FBLN7: variants seen among roughly 807,000 people sequenced by gnomAD.
The protein encoded by FBLN7 is fibulin 7.
A neutral mutation model predicts 44.0 loss-of-function variants in FBLN7; 31 were observed. That is an observed-to-expected ratio of 0.70 (90% confidence interval 0.53 to 0.95). The LOEUF (loss-of-function observed/expected upper bound fraction) is 0.95, where lower values mean the gene tolerates loss of function less well. FBLN7 is among the 40% of genes least tolerant of loss of function. The pLI, the probability that FBLN7 is intolerant of heterozygous loss-of-function variation, is 0.00. For synonymous variants in FBLN7, 262 were observed against 253.4 expected (o/e 1.03, Z -0.32); for missense variants, 573 against 618.5 (o/e 0.93, Z 0.78).
In FBLN7 at chr2:112,160,836, G is replaced by A. The variant is rs189997892; in HGVS notation, c.235+1001G>A. On this transcript the variant is annotated intron_variant, in intron 2 of 7. Coordinates refer to ENST00000331203, the MANE Select transcript of FBLN7 (RefSeq NM_153214.3). ...CACGCACACACAAGCACGCATACAC[G>A]CACGCACACGCGCACACACACACAC... 1.5e-3 allele frequency among the ~76,000 whole-genome samples: 185 copies of A among 121,858 alleles called. 1 individual carries two copies. Among genetic ancestry groups the A allele is most frequent in the African/African-American group, 4.8e-3 (140 of 29,130 alleles). 79.9% of individuals were successfully genotyped at this position (121,858 alleles called of 152,430 possible). A position where few individuals can be genotyped will look rare whatever the true frequency, so the allele number is the denominator to read the frequency against.
At chr2:112,180,544 A>C (rs1373548345) in intron 4 of FBLN7, among the ~76,000 whole-genome samples, 3 of 152,304 alleles carry the variant, frequency 2.0e-5, no homozygotes, top group Middle Eastern at 3.4e-3. Context: ...CATGCACTCG[A>C]ATATTTGTTG....
intron 3 of FBLN7, among the ~76,000 whole-genome samples, chr2:112,170,644 G>T (rs1682411215): frequency 6.6e-6 from 1 of 152,224 alleles, no homozygotes; most frequent in African/African-American, 2.4e-5. Context: ...GAACCTTGTT[G>T]CTGGAGATTA....
the FBLN7 span, among the ~76,000 whole-genome samples, chr2:112,193,409 C>T: frequency 6.6e-6 from 1 of 152,114 alleles, no homozygotes. Context: ...TGCTGCACTC[C>T]AGCCTAGGTG....
the FBLN7 span, among the ~76,000 whole-genome samples, chr2:112,228,577 C>T: frequency 1.5e-3 from 232 of 151,002 alleles, 1 homozygote; most frequent in African/African-American, 5.5e-3. Flanking sequence ...TCACACAATT[C>T]CTAAAAATTA....
chr2:112,239,935 G>T, the FBLN7 span, among the ~76,000 whole-genome samples: 1 of 152,082 alleles, frequency 6.6e-6, no homozygotes, highest in Non-Finnish European at 1.5e-5. Flanking sequence ...TTCCACCAGA[G>T]GATTGATTAT....
chr2:112,159,985 A>G (rs952992852), intron 2 of FBLN7, 150 bp downstream of exon 2: 1 of 497,436 alleles, frequency 2.0e-6, no homozygotes, highest in Middle Eastern at 5.9e-4. Flanking sequence ...TTTATTTATT[A>G]TTTATTTATT....
chr2:112,191,074 C>G (rs1683472202), downstream of FBLN7, among the ~76,000 whole-genome samples: 1 of 152,130 alleles, frequency 6.6e-6, no homozygotes, highest in South Asian at 2.1e-4. Context: ...AATTCCTGGG[C>G]TCAAGCGATC....
intron 3 of FBLN7, among the ~76,000 whole-genome samples, chr2:112,166,685 G>A (rs1442327296): frequency 6.6e-6 from 1 of 152,196 alleles, no homozygotes; most frequent in African/African-American, 2.4e-5. Context: ...CCCATGGCGG[G>A]GGAGATGGGT....
intron 1 of FBLN7, among the ~76,000 whole-genome samples, chr2:112,143,715 C>T (rs1292490217): frequency 6.6e-6 from 1 of 152,100 alleles, no homozygotes; most frequent in Non-Finnish European, 1.5e-5. Flanking sequence ...TTTATCGTTA[C>T]AATTTTGTCT....
the FBLN7 span, among the ~76,000 whole-genome samples, chr2:112,241,014 T>TGA: frequency 6.6e-6 from 1 of 151,092 alleles, no homozygotes; most frequent in Admixed American, 6.6e-5. Context: ...GTGTTTTGTG[T>TGA]GTGTGTGTGT....
the FBLN7 span, among the ~76,000 whole-genome samples, chr2:112,233,873 A>T: frequency 2.0e-5 from 3 of 152,152 alleles, no homozygotes; most frequent in Admixed American, 6.5e-5. Context: ...CATCTCAAAA[A>T]AAATAAATAA....
At chr2:112,142,969 T>C (rs1257153632) in intron 1 of FBLN7, among the ~76,000 whole-genome samples, 1 of 152,120 alleles carries the variant, frequency 6.6e-6, no homozygotes, top group Admixed American at 6.5e-5. Flanking sequence ...GGTGATTGTG[T>C]CTCTGTGATT....
At chr2:112,148,034 G>A (rs1035803850) in intron 1 of FBLN7, among the ~76,000 whole-genome samples, 8 of 151,984 alleles carry the variant, frequency 5.3e-5, no homozygotes, top group East Asian at 1.9e-4. Context: ...ACTTCCCAGC[G>A]AAAATCAAGA....
At chr2:112,166,337 C>T (rs563191475) in intron 3 of FBLN7, among the ~76,000 whole-genome samples, 1 of 152,270 alleles carries the variant, frequency 6.6e-6, no homozygotes, top group East Asian at 1.9e-4. Context: ...AGGTGTGATC[C>T]ACCACACCTG....
chr2:112,166,421 G>T (rs1032743240), intron 3 of FBLN7, among the ~76,000 whole-genome samples: 8 of 152,112 alleles, frequency 5.3e-5, no homozygotes, highest in Non-Finnish European at 8.8e-5. Flanking sequence ...CATCCCTAAA[G>T]ATGAGTATGG....
the FBLN7 span, chr2:112,238,311 T>C: frequency 6.2e-7 from 1 of 1,612,172 alleles, no homozygotes; most frequent in Non-Finnish European, 8.5e-7. Flanking sequence ...AGTTTGACTC[T>C]TACCCTGTGG....
At chr2:112,202,258 T>C in the FBLN7 span, among the ~76,000 whole-genome samples, 2 of 152,182 alleles carry the variant, frequency 1.3e-5, no homozygotes, top group Non-Finnish European at 2.9e-5. Context: ...TGAGTGCAAT[T>C]GCGTTCCCCA....
the FBLN7 span, chr2:112,238,195 T>A: frequency 3.9e-4 from 403 of 1,033,904 alleles, no homozygotes; most frequent in African/African-American, 5.6e-3. Flanking sequence ...GTATAAATAT[T>A]CATGAAAACC....
intron 1 of FBLN7, among the ~76,000 whole-genome samples, chr2:112,143,673 C>T (rs1045038519): frequency 3.9e-5 from 6 of 152,176 alleles, no homozygotes; most frequent in African/African-American, 1.4e-4. Context: ...ACACCTACTA[C>T]CCACCCCAGC....
Sources: allele counts gnomAD v4.1 joint callset (sites outside exome capture counted in the v4.1 genomes callset), GRCh38; gene constraint gnomAD v4.1.1; transcripts MANE v1.5; gene names NCBI Gene and HGNC (gene_info 2026-07-23, HGNC 2026-07-21).